CA3: variants seen among roughly 807,000 people sequenced by gnomAD.
The protein encoded by CA3 is CA-III.
CA3 carries 30 observed loss-of-function variants against 35.7 expected under a neutral mutation model. The ratio of observed to expected loss-of-function variants is 0.84; its 90% CI spans 0.63 to 1.14. The LOEUF (loss-of-function observed/expected upper bound fraction) is 1.14, where lower values mean the gene tolerates loss of function less well. CA3 is among the 50% of genes most tolerant of loss of function. CA3 has a pLI of 0.00. For missense variants in CA3, 295 were observed against 328.5 expected (o/e 0.90, Z 0.79); for synonymous variants, 131 against 130.8 (o/e 1.00, Z -0.01).
chr8:85,438,887 G>A lies in CA3; in HGVS notation c.-23G>A. ...CGCAGGGGAAGAGAAAGCAGGAGCC[G>A]TCCAGCACGGAGGAAGGCGACCATG... On this transcript the variant is annotated 5_prime_UTR_variant, in exon 1 of 7. Transcript: ENST00000285381. 3 of 1,550,886 alleles carry A rather than the reference G, an allele frequency of 1.9e-6. No homozygotes were observed. Among genetic ancestry groups the A allele is most frequent in the Non-Finnish European group, 2.6e-6 (3 of 1,146,952 alleles).
chr8:85,441,153 CCACT>C (rs1811202126), intron 2 of CA3, among the ~76,000 whole-genome samples: 1 of 152,152 alleles, frequency 6.6e-6, no homozygotes, highest in African/African-American at 2.4e-5. Flanking sequence ...TTTCCCTGGG[CCACT>C]TAGTGTGGGC....
chr8:85,440,984 A>G (rs767339315), intron 2 of CA3, among the ~76,000 whole-genome samples: 1 of 152,200 alleles, frequency 6.6e-6, no homozygotes, highest in Non-Finnish European at 1.5e-5. Flanking sequence ...AATATTGTCA[A>G]TTTCATATAG....
rs745847409 is a variant in CA3, at chr8:85,444,146, T to C, written c.444+20T>C. On this transcript the variant is annotated intron_variant, in intron 4 of 6. Transcript: ENST00000285381. ...CTGAAGGTAAAGTAAAAATTGACTA[T>C]ATATTTTCTTCCAAAATGTATTTCC... is the stretch of plus-strand genomic sequence containing the variant. The C allele has an allele frequency of 2.7e-6, 4 of 1,501,716 alleles. No individual in the cohort carries two copies. The highest frequency in any genetic ancestry group is 2.3e-5 in the East Asian group (1 of 44,338). 93.0% of individuals were successfully genotyped at this position (1,501,716 alleles called of 1,614,324 possible).
intron 3 of CA3, among the ~76,000 whole-genome samples, chr8:85,442,983 C>T (rs1032648665): frequency 6.6e-6 from 1 of 152,124 alleles, no homozygotes; most frequent in Non-Finnish European, 1.5e-5. Context: ...TATCCAGTGC[C>T]CTATACTGCC....
At chr8:85,447,412 C>A (rs1811307182) in intron 6 of CA3, among the ~76,000 whole-genome samples, 1 of 152,058 alleles carries the variant, frequency 6.6e-6, no homozygotes, top group Non-Finnish European at 1.5e-5. Flanking sequence ...CATACTGACC[C>A]CTCAAATAAA....
intron 6 of CA3, 89 bp from the exon 7 acceptor site, chr8:85,447,945 A>G (rs1811315007): frequency 4.0e-6 from 5 of 1,249,464 alleles, no homozygotes; most frequent in East Asian, 2.5e-5. Flanking sequence ...ACAACAAAAA[A>G]AACCCCAGCA....
chr8:85,440,367 G>C (rs1249830858), intron 2 of CA3, among the ~76,000 whole-genome samples: 2 of 152,212 alleles, frequency 1.3e-5, no homozygotes, highest in African/African-American at 4.8e-5. Context: ...TGCCTGGGAG[G>C]TGACCAATCT....
At chr8:85,444,796 TG>T (rs1678677387) in intron 4 of CA3, among the ~76,000 whole-genome samples, 1 of 151,976 alleles carries the variant, frequency 6.6e-6, no homozygotes, top group African/African-American at 2.4e-5. Flanking sequence ...CAGCAGGAGG[TG>T]GAGTAGGTCT....
At chr8:85,447,949 C>A in intron 6 of CA3, 85 bp from the exon 7 acceptor site, 3 of 1,268,034 alleles carry the variant, frequency 2.4e-6, no homozygotes, top group South Asian at 1.6e-5. Flanking sequence ...CAAAAAAAAC[C>A]CCAGCAGTAT....
chr8:85,442,223 C>A lies in CA3; in HGVS notation c.351+32C>A, dbSNP rs573538943. ...GGAACTGCCATAATCCATTCTCGGT[C>A]TCATACAGTGAAAACTGCAAAATTA... On this transcript the variant is annotated intron_variant, in intron 3 of 6. Transcript: ENST00000285381. The A allele has an allele frequency of 2.6e-6, 3 of 1,138,560 alleles. No homozygotes were observed. The South Asian group carries it at 3.7e-5, about 14-fold the overall frequency. The allele number at this position is 1,138,560 out of a possible 1,614,324, so 70.5% of individuals were successfully genotyped here. A position where few individuals can be genotyped will look rare whatever the true frequency, so the allele number is the denominator to read the frequency against.
intron 4 of CA3, 109 bp from the exon 5 acceptor site, chr8:85,445,047 C>A: frequency 1.6e-6 from 1 of 636,150 alleles, no homozygotes. Flanking sequence ...GATATTCTGG[C>A]AGATTTATAA....
intron 1 of CA3, 111 bp downstream of exon 1, chr8:85,439,054 G>C (rs1167887417): frequency 9.6e-7 from 1 of 1,045,656 alleles, no homozygotes; most frequent in Non-Finnish European, 1.4e-6. Flanking sequence ...TGTAGGAGTA[G>C]AATAAGACCT....
At chr8:85,444,454 A>G (rs1197975415) in intron 4 of CA3, among the ~76,000 whole-genome samples, 1 of 151,932 alleles carries the variant, frequency 6.6e-6, no homozygotes, top group African/African-American at 2.4e-5. Flanking sequence ...GCATATATTT[A>G]TTTTCCTTTC....
In CA3 at chr8:85,442,171, G is replaced by T; in HGVS notation, c.331G>T (p.Gly111Ter). 6.3e-7 allele frequency: 1 copy of T among 1,593,070 alleles called. No individual in the cohort carries two copies. The change falls in exon 3 of 7, where the codon GGA becomes TGA. Residue 111 changes from glycine to a stop codon, truncating the protein, a stop_gained. Transcript: ENST00000285381. LOFTEE classifies it high-confidence loss of function. ...TCATGGCTCTGAGCACACCGTGGAT[G>T]GAGTCAAGTATGCAGCGGAGGTAAG... ...DDHGSEHTVD[G>*]VKYAAELHLV...
At chr8:85,442,566 A>G (rs750223284) in intron 3 of CA3, 8 of 189,814 alleles carry the variant, frequency 4.2e-5, no homozygotes, top group Non-Finnish European at 6.6e-5. Flanking sequence ...TACAAAAATT[A>G]GCCTGGCATG....
Position 85,442,186 on chromosome 8 carries a change from G to T in CA3, c.346G>T (p.Ala116Ser). 1 of 1,534,578 alleles carries T rather than the reference G, an allele frequency of 6.5e-7. No homozygotes were observed. The highest frequency in any genetic ancestry group is 1.1e-5 in the South Asian group (1 of 89,498). The change falls in exon 3 of 7, where the codon GCG (alanine) becomes TCG (serine). Residue 116 changes from alanine (A) to serine (S), a missense_variant. Physicochemically the swap from Ala to Ser is moderately conservative, Grantham distance 99 (BLOSUM62 1). Coordinates refer to ENST00000285381, the MANE Select transcript of CA3 (RefSeq NM_005181.4). ...CACCGTGGATGGAGTCAAGTATGCAGCGGAGGTAAGAGGAACTGCCATAAT... is the reference window on the plus strand; with the variant it reads ...CACCGTGGATGGAGTCAAGTATGCATCGGAGGTAAGAGGAACTGCCATAAT... ...EHTVDGVKYA[A>S]ELHLVHWNPK...
At chr8:85,446,086 G>A in intron 5 of CA3, 56 bp from the exon 6 acceptor site, 5 of 1,463,128 alleles carry the variant, frequency 3.4e-6, no homozygotes, top group Non-Finnish European at 3.7e-6. Context: ...GGGCATTGGG[G>A]TGGGTGGGCA....
chr8:85,443,846 T>C (rs776739594), intron 3 of CA3, among the ~76,000 whole-genome samples, 188 bp from the exon 4 acceptor site: 1 of 152,250 alleles, frequency 6.6e-6, no homozygotes, highest in South Asian at 2.1e-4. Flanking sequence ...AATAATTTTA[T>C]ATGCTTTTTA....
chr8:85,441,970 C>A (rs1811213188), intron 2 of CA3, 103 bp from the exon 3 acceptor site: 1 of 738,390 alleles, frequency 1.4e-6, no homozygotes, highest in African/African-American at 1.7e-5. Flanking sequence ...GCAAACTGAC[C>A]ACATTTTGTC....
Sources: gnomAD v4.1 joint callset for allele counts (sites outside exome capture counted in the v4.1 genomes callset) on GRCh38, gnomAD v4.1.1 for gene constraint, MANE v1.5 for transcripts, NCBI Gene and HGNC (gene_info 2026-07-23, HGNC 2026-07-21) for gene names.